Variants in NOCT observed in about 807,000 individuals in gnomAD.
NOCT encodes the protein CCR4 carbon catabolite repression 4-like.
NOCT carries 18 observed loss-of-function variants against 35.0 expected under a neutral mutation model. The ratio of observed to expected loss-of-function variants is 0.51; its 90% CI spans 0.36 to 0.76. NOCT has a LOEUF of 0.76. Among genes scored for constraint, NOCT ranks in the 30% least tolerant of loss-of-function variants. The pLI, the probability that NOCT is intolerant of heterozygous loss-of-function variation, is 0.01. For missense variants in NOCT, 479 were observed against 541.0 expected (o/e 0.89, Z 1.14); for synonymous variants, 235 against 226.3 (o/e 1.04, Z -0.34).
At chr4:139,030,518 A>T (rs1384347624) in intron 1 of NOCT, among the ~76,000 whole-genome samples, 2 of 152,198 alleles carry the variant, frequency 1.3e-5, no homozygotes, top group Admixed American at 6.5e-5. Context: ...ATTGTGGTGC[A>T]AATATCCAAG....
intron 1 of NOCT, among the ~76,000 whole-genome samples, chr4:139,038,800 C>T (rs1726781689): frequency 6.6e-6 from 1 of 152,116 alleles, no homozygotes. Flanking sequence ...ATTGAATTCT[C>T]CCTGAAAGTC....
intron 1 of NOCT, among the ~76,000 whole-genome samples, chr4:139,035,538 G>A (rs1726715108): frequency 1.3e-5 from 2 of 152,144 alleles, no homozygotes; most frequent in African/African-American, 4.8e-5. Flanking sequence ...CACTTTCACT[G>A]CTGCCCCCCA....
At chr4:139,016,258 C>G (rs1038275444) in intron 1 of NOCT, 87 bp downstream of exon 1, 9 of 871,748 alleles carry the variant, frequency 1.0e-5, no homozygotes, top group Non-Finnish European at 1.3e-5. Flanking sequence ...GAATGAGAAG[C>G]CCGGGGCTGC....
At position 139,045,463 on chromosome 4, in the gene NOCT, G is replaced by T; in HGVS notation, c.1285G>T (p.Gly429Ter). ...CDFSFTEESD[G>*]LS The stretch of plus-strand genomic sequence containing the variant: ...CTTCAGCTTTACTGAGGAATCTGAT[G>T]GACTTTCATAAATACTTGCTTTTGT... The change falls in exon 3 of 3, where the codon GGA (glycine) becomes TGA (stop). Residue 429 changes from glycine to a stop codon, truncating the protein, a stop_gained. Transcript: ENST00000280614. LOFTEE classifies it high-confidence loss of function. The T allele has an allele frequency of 3.3e-6, 5 of 1,529,284 alleles. No homozygotes were observed. Among genetic ancestry groups the T allele is most frequent in the Non-Finnish European group, 4.5e-6 (5 of 1,116,790 alleles). The allele number at this position is 1,529,284 out of a possible 1,614,324, so 94.7% of individuals were successfully genotyped here. A position where few individuals can be genotyped will look rare whatever the true frequency, so the allele number is the denominator to read the frequency against.
chr4:139,030,802 A>C (rs1726609597), intron 1 of NOCT, among the ~76,000 whole-genome samples: 1 of 152,196 alleles, frequency 6.6e-6, no homozygotes, highest in South Asian at 2.1e-4. Flanking sequence ...TGAGGTGTTC[A>C]ACACGCATGG....
chr4:139,037,388 A>G (rs887915767), intron 1 of NOCT, among the ~76,000 whole-genome samples: 1 of 152,226 alleles, frequency 6.6e-6, no homozygotes, highest in African/African-American at 2.4e-5. Context: ...TTGTTTTTCA[A>G]ATATGAGTAT....
chr4:139,043,518 C>T, intron 2 of NOCT, 175 bp downstream of exon 2: 2 of 520,098 alleles, frequency 3.8e-6, no homozygotes, highest in Admixed American at 3.4e-5. Context: ...ATCTGGTTTT[C>T]ACTTTTTTTT....
chr4:139,018,975 G>A (rs1373088152), intron 1 of NOCT, among the ~76,000 whole-genome samples: 1 of 152,208 alleles, frequency 6.6e-6, no homozygotes, highest in Admixed American at 6.5e-5. Flanking sequence ...AAGGGTGAGA[G>A]AAGAGGCACT....
intron 1 of NOCT, among the ~76,000 whole-genome samples, chr4:139,039,081 A>T (rs529536447): frequency 2.0e-5 from 3 of 148,944 alleles, no homozygotes; most frequent in Admixed American, 6.9e-5. Flanking sequence ...TCATGCCTGT[A>T]ATCCCAGCAC....
chr4:139,042,924 A>G, intron 1 of NOCT, 150 bp from the exon 2 acceptor site: 2 of 691,940 alleles, frequency 2.9e-6, no homozygotes, highest in Non-Finnish European at 4.5e-6. Flanking sequence ...CAAAAAAAAA[A>G]AAAAAGAAAA....
chr4:139,022,545 C>T (rs1039164661), intron 1 of NOCT, among the ~76,000 whole-genome samples: 4 of 152,086 alleles, frequency 2.6e-5, no homozygotes, highest in South Asian at 2.1e-4. Context: ...ACATAGGCTC[C>T]GGGTAGACAA....
In NOCT at chr4:139,016,118, T is replaced by G. The variant is rs1366002397; in HGVS notation, c.137T>G (p.Leu46Arg). Reference protein sequence around the residue: ...AAVPRPASPRLLAAASAASGA... With the variant: ...AAVPRPASPRRLAAASAASGA... ...GTTCCCAGGCCCGCATCCCCCCGGC[T>G]GCTGGCGGCGGCCTCGGCGGCCTCG... The change falls in exon 1 of 3, where the codon CTG becomes CGG. Residue 46 changes from leucine (L) to arginine (R), a missense_variant. Leu to Arg is a moderately radical substitution (Grantham distance 102). Around this residue, in one of 2 missense-constraint regions of NOCT, gnomAD observed 265 missense variants for 257.0 expected, o/e 1.03. Coordinates refer to ENST00000280614, the MANE Select transcript of NOCT (RefSeq NM_012118.4). 3.8e-6 allele frequency: 5 copies of G among 1,309,792 alleles called. No homozygotes were observed. In the East Asian group the frequency reaches 1.6e-4, roughly 41 times the overall value. 81.1% of individuals were successfully genotyped at this position (1,309,792 alleles called of 1,614,324 possible).
At chr4:139,020,669 A>G (rs1726391966) in intron 1 of NOCT, among the ~76,000 whole-genome samples, 1 of 152,102 alleles carries the variant, frequency 6.6e-6, no homozygotes, top group Admixed American at 6.6e-5. Context: ...GATTCTTCCA[A>G]AAAGATTAGG....
chr4:139,023,518 T>C lies in NOCT; in HGVS notation c.190+7347T>C, dbSNP rs373128713. Among the ~76,000 whole-genome samples, 314 of 152,252 alleles carry C rather than the reference T, an allele frequency of 2.1e-3. 10 individuals are homozygous for C. The South Asian group carries it at 0.06, about 29-fold the overall frequency. On this transcript the variant is annotated intron_variant, in intron 1 of 2. Transcript: ENST00000280614. The stretch of plus-strand genomic sequence containing the variant: ...AGTTTAATATTTTATTTTTTTGAGA[T>C]GGAGTCTTGCTCTGTTCCTCAAGCT...
rs546346607 is a variant in NOCT at position 139,045,509 on chromosome 4, ATTTTTTTTTTTTT to A, written c.*48_*60del. ...TTTGTCTTTTTAATCACAGGAGTCTATTTTTTTTTTTTTTTTTTTTTTTTTGAGACAGAGTCTC... is the reference window on the plus strand; with the variant it reads ...TTTGTCTTTTTAATCACAGGAGTCTATTTTTTTTTTTTGAGACAGAGTCTC... On this transcript the variant is annotated 3_prime_UTR_variant, in exon 3 of 3. Transcript: ENST00000280614. The A allele has an allele frequency of 3.2e-3, 1,224 of 379,772 alleles. 23 individuals carry two copies. In the African/African-American group the frequency reaches 0.039, roughly 12 times the overall value. The allele number at this position is 379,772 out of a possible 1,614,324, so 23.5% of individuals were successfully genotyped here.
At chr4:139,019,728 G>T (rs1273323358) in intron 1 of NOCT, among the ~76,000 whole-genome samples, 1 of 152,204 alleles carries the variant, frequency 6.6e-6, no homozygotes, top group Non-Finnish European at 1.5e-5. Context: ...TGACCCTAGG[G>T]ATGATCTCGG....
At chr4:139,017,073 T>C (rs1181544895) in intron 1 of NOCT, among the ~76,000 whole-genome samples, 1 of 149,910 alleles carries the variant, frequency 6.7e-6, no homozygotes, top group Non-Finnish European at 1.5e-5. Context: ...CCAAGAGCTG[T>C]TTTCATACAT....
rs1462931352 is a variant in NOCT, at chr4:139,044,961, A to T, written c.783A>T (p.Lys261Asn). Residue 261 changes from lysine to asparagine, a missense_variant, in exon 3 of 3, where the codon AAA becomes AAT. Physicochemically the swap from Lys to Asn is moderately conservative, Grantham distance 94. Around this residue, in one of 2 missense-constraint regions of NOCT, gnomAD observed 214 missense variants for 284.0 expected, o/e 0.75. Coordinates refer to ENST00000280614, the MANE Select transcript of NOCT (RefSeq NM_012118.4). The stretch of plus-strand genomic sequence containing the variant: ...TTAGGCTGACAGCCATGACATTGAA[A>T]ACCAACCAGGTGGCCATTGCACAGA... ...ANIRLTAMTL[K>N]TNQVAIAQTL... 1 of 1,614,054 alleles carries T rather than the reference A, an allele frequency of 6.2e-7. No individual in the cohort carries two copies. Among genetic ancestry groups the T allele is most frequent in the Admixed American group, 1.7e-5 (1 of 60,000 alleles).
intron 1 of NOCT, among the ~76,000 whole-genome samples, chr4:139,021,851 C>G (rs1031923714): frequency 6.6e-5 from 10 of 151,894 alleles, no homozygotes; most frequent in Admixed American, 6.6e-5. Context: ...CTGTGCCTCC[C>G]GGGTTCAAGC....
Sources: allele counts gnomAD v4.1 joint callset (sites outside exome capture counted in the v4.1 genomes callset), GRCh38; gene constraint gnomAD v4.1.1; regional missense constraint gnomAD v4.1.1; transcripts MANE v1.5; gene names NCBI Gene and HGNC (gene_info 2026-07-23, HGNC 2026-07-21).